AFF3: variants seen among roughly 807,000 people sequenced by gnomAD.
AFF3 encodes ALF transcription elongation factor 3.
Under a neutral mutation model 129.7 loss-of-function variants are expected in AFF3, and 32 were observed. The observed-to-expected ratio is 0.25, with a 90% CI of 0.19 to 0.33. The LOEUF (loss-of-function observed/expected upper bound fraction) is 0.33, where lower values mean the gene tolerates loss of function less well. AFF3 is among the 10% of genes least tolerant of loss of function. The pLI, the probability that AFF3 is intolerant of heterozygous loss-of-function variation, is 1.00. For missense variants in AFF3, 1,373 were observed against 1,592.0 expected (o/e 0.86, Z 2.34); for synonymous variants, 644 against 635.4 (o/e 1.01, Z -0.20).
intron 7 of AFF3, among the ~76,000 whole-genome samples, chr2:99,994,112 A>C (rs116159464): frequency 0.013 from 1,985 of 149,182 alleles, 54 homozygotes; most frequent in African/African-American, 0.046. Flanking sequence ...AGCCAAACTT[A>C]ATCTTTTTTA....
chr2:99,845,219 G>C (rs1392212294), intron 7 of AFF3, among the ~76,000 whole-genome samples: 1 of 152,154 alleles, frequency 6.6e-6, no homozygotes, highest in Non-Finnish European at 1.5e-5. Context: ...TAGAGAGTAA[G>C]TATCAGTCTT....
chr2:99,880,400 C>T (rs1157423360), intron 7 of AFF3, among the ~76,000 whole-genome samples: 2 of 152,156 alleles, frequency 1.3e-5, no homozygotes, highest in Non-Finnish European at 2.9e-5. Context: ...TGTTTTTCCC[C>T]TCGGGAAAGA....
chr2:99,785,412 T>C (rs1298388043), intron 8 of AFF3, among the ~76,000 whole-genome samples: 1 of 152,302 alleles, frequency 6.6e-6, no homozygotes, highest in East Asian at 1.9e-4. Flanking sequence ...GAAAATTATA[T>C]CCAAATCTCC....
rs1681791947 is a variant in AFF3 at position 100,004,713 on chromosome 2, T to G, written c.873+1919A>C. On this transcript the variant is annotated intron_variant, in intron 7 of 24. Coordinates refer to ENST00000672756, the MANE Select transcript of AFF3 (RefSeq NM_001386135.1). Reference sequence around the variant, plus strand: ...AGTTTGAAGGGTAGAAGTAACTCACTACTTGGCTGCTGACTGTGAAATTTA... The same window carrying G: ...AGTTTGAAGGGTAGAAGTAACTCACGACTTGGCTGCTGACTGTGAAATTTA... Among the ~76,000 whole-genome samples, 3 of 152,212 alleles carry G rather than the reference T, an allele frequency of 2.0e-5. No homozygotes were observed. In the South Asian group the frequency reaches 6.2e-4, roughly 31 times the overall value.
intron 11 of AFF3, among the ~76,000 whole-genome samples, chr2:99,714,893 A>T (rs1042688699): frequency 2.6e-5 from 4 of 152,250 alleles, no homozygotes; most frequent in Admixed American, 1.3e-4. Context: ...GGACACTGAC[A>T]TGAACATGTT....
chr2:99,970,572 A>T (rs1389809411), intron 7 of AFF3, among the ~76,000 whole-genome samples: 1 of 152,110 alleles, frequency 6.6e-6, no homozygotes, highest in Non-Finnish European at 1.5e-5. Flanking sequence ...TCCCTTCACC[A>T]CAGAAACGAG....
chr2:99,843,641 A>G (rs1194912249), intron 7 of AFF3, among the ~76,000 whole-genome samples: 3 of 152,202 alleles, frequency 2.0e-5, no homozygotes, highest in African/African-American at 7.2e-5. Context: ...AAATAAGTCA[A>G]CTGTATTTAT....
At chr2:100,034,291 T>C (rs994513429) in intron 4 of AFF3, among the ~76,000 whole-genome samples, 3 of 152,160 alleles carry the variant, frequency 2.0e-5, no homozygotes, top group Non-Finnish European at 4.4e-5. Flanking sequence ...CTGAATCATA[T>C]AGGATGAAAT....
At chr2:99,586,650 G>A (rs530796204) in intron 16 of AFF3, among the ~76,000 whole-genome samples, 3 of 152,120 alleles carry the variant, frequency 2.0e-5, no homozygotes, top group African/African-American at 4.8e-5. Flanking sequence ...TGCTGGATGC[G>A]TCCATCTGGA....
chr2:99,578,236 G>A (rs1219912976), intron 18 of AFF3, 91 bp downstream of exon 18: 10 of 1,464,766 alleles, frequency 6.8e-6, no homozygotes, highest in Non-Finnish European at 9.0e-6. Flanking sequence ...TGTAGCTGAA[G>A]GTGGCCACAC....
At chr2:99,714,192 C>G (rs758722335) in intron 11 of AFF3, among the ~76,000 whole-genome samples, 1 of 152,196 alleles carries the variant, frequency 6.6e-6, no homozygotes, top group Non-Finnish European at 1.5e-5. Flanking sequence ...ATCGCCCTCT[C>G]AGGTGAAACT....
intron 11 of AFF3, among the ~76,000 whole-genome samples, chr2:99,700,255 G>A (rs62156491): frequency 0.023 from 3,565 of 152,260 alleles, 55 homozygotes; most frequent in Non-Finnish European, 0.03. Flanking sequence ...CAAATAGCTG[G>A]GATTATAGGC....
At position 99,587,166 on chromosome 2, in the gene AFF3, A is replaced by G. The variant is rs765498077; in HGVS notation, c.2579T>C (p.Met860Thr). The G allele has an allele frequency of 1.9e-6, 3 of 1,614,130 alleles. No individual in the cohort carries two copies. The highest frequency in any genetic ancestry group is 2.5e-6 in the Non-Finnish European group (3 of 1,180,008). Residue 860 changes from methionine (M) to threonine (T), a missense_variant, in exon 16 of 25, where the codon ATG becomes ACG. Met to Thr is a moderately conservative substitution (Grantham distance 81, BLOSUM62 -1). This residue lies in a region of AFF3 where 466 missense variants were observed against 505.0 expected (regional missense o/e 0.92). Transcript: ENST00000672756. Reference sequence around the variant, plus strand: ...GGAATGCACGTACCTGTTGATGTTCATGTTGCAGTGGTTTGCAGACAAAGT... The same window carrying G: ...GGAATGCACGTACCTGTTGATGTTCGTGTTGCAGTGGTTTGCAGACAAAGT... ...SNTLSANHCNMNINSVAIPIN... is the reference protein window; with the variant it reads ...SNTLSANHCNTNINSVAIPIN...
intron 7 of AFF3, among the ~76,000 whole-genome samples, 166 bp from the exon 8 acceptor site, chr2:99,837,690 C>T (rs1032417082): frequency 5.3e-5 from 8 of 152,058 alleles, no homozygotes; most frequent in African/African-American, 1.2e-4. Flanking sequence ...CCCTAACAGC[C>T]GGCTCCCATT....
At chr2:99,625,631 G>A (rs562398606) in intron 13 of AFF3, among the ~76,000 whole-genome samples, 76 of 152,250 alleles carry the variant, frequency 5.0e-4, no homozygotes, top group Non-Finnish European at 9.1e-4. Context: ...AATGACAAGC[G>A]AGAGGATTAA....
chr2:99,978,547 C>G (rs1048411202), intron 7 of AFF3, among the ~76,000 whole-genome samples: 3 of 152,144 alleles, frequency 2.0e-5, no homozygotes, highest in African/African-American at 7.2e-5. Context: ...TCATTCTCCC[C>G]CCAGACAAAC....
rs1048680244 is a variant in AFF3 at position 99,549,566 on chromosome 2, C to T, written c.*1908G>A. The T allele has an allele frequency of 1.1e-5, 2 of 189,186 alleles. No homozygotes were observed. Among genetic ancestry groups the T allele is most frequent in the Non-Finnish European group, 2.2e-5 (2 of 90,222 alleles). The allele number at this position is 189,186 out of a possible 1,614,324, so 11.7% of individuals were successfully genotyped here. The stretch of plus-strand genomic sequence containing the variant: ...TGCCACTGCACTCCAGCCTGGGCAA[C>T]AGAGCGAAACTCGTCTCAAAAAAAA... On this transcript the variant is annotated 3_prime_UTR_variant, in exon 25 of 25. Transcript: ENST00000672756.
intron 3 of AFF3, 23 bp downstream of exon 3, chr2:100,105,481 C>A: frequency 7.5e-7 from 1 of 1,327,024 alleles, no homozygotes; most frequent in Non-Finnish European, 1.0e-6. Flanking sequence ...TGGAAACCAA[C>A]CTCCTTTCTT....
intron 4 of AFF3, among the ~76,000 whole-genome samples, chr2:100,026,463 G>A (rs1459861704): frequency 6.6e-6 from 1 of 152,056 alleles, no homozygotes; most frequent in Non-Finnish European, 1.5e-5. Context: ...ATGTAAACTG[G>A]TACAGCCACT....
Sources: gnomAD v4.1 joint callset for allele counts (sites outside exome capture counted in the v4.1 genomes callset) on GRCh38, gnomAD v4.1.1 for gene constraint, gnomAD v4.1.1 regional missense constraint, MANE v1.5 for transcripts, NCBI Gene and HGNC (gene_info 2026-07-23, HGNC 2026-07-21) for gene names.